The following TBATA variants were observed in gnomAD, a reference collection of about 807,000 sequenced individuals.
The protein encoded by TBATA is thymus, brain and testes associated, also known as protein TBATA.
Under a neutral mutation model 38.7 loss-of-function variants are expected in TBATA, and 47 were observed. That is an observed-to-expected ratio of 1.21 (90% confidence interval 0.96 to 1.55). The LOEUF (loss-of-function observed/expected upper bound fraction) is 1.55, where lower values mean the gene tolerates loss of function less well. Among genes scored for constraint, TBATA ranks in the 40% most tolerant of loss-of-function variants. The probability of loss-of-function intolerance (pLI) is 0.00; values close to 1 mark genes in which losing one functional copy is unlikely to be tolerated. For missense variants in TBATA, 436 were observed against 435.6 expected (o/e 1.00, Z -0.01); for synonymous variants, 183 against 170.5 (o/e 1.07, Z -0.57).
intron 4 of TBATA, among the ~76,000 whole-genome samples, chr10:70,780,450 G>A (rs573013744): frequency 7.9e-5 from 12 of 151,846 alleles, no homozygotes; most frequent in Non-Finnish European, 1.5e-4. Context: ...CTCCTCTGCC[G>A]ACTTCTCATC....
intron 6 of TBATA, chr10:70,777,612 TTCC>T: frequency 2.0e-6 from 1 of 503,654 alleles, no homozygotes; most frequent in Non-Finnish European, 3.6e-6. Flanking sequence ...GCAAAAGCTC[TTCC>T]TCCTGGAACT....
rs991739192 is a variant in TBATA at position 70,775,218 on chromosome 10, T to C, written c.746A>G (p.Gln249Arg). The part of the protein sequence containing the change: ...ILETDLLSAI[Q>R]FWLLYAPPKE... ...GGGCGGAGCGTAGAGCAGCCAGAAC[T>C]GGATTGCGCTTAGCAAGTCTGTTTC... is the stretch of plus-strand genomic sequence containing the variant. The change falls in exon 8 of 11, where the codon CAG becomes CGG. Residue 249 changes from glutamine to arginine, a missense_variant. Gln to Arg is a conservative substitution (Grantham distance 43). Coordinates refer to ENST00000456372, the MANE Select transcript of TBATA (RefSeq NM_001318241.2). 4 of 1,614,046 alleles carry C rather than the reference T, an allele frequency of 2.5e-6. No individual in the cohort carries two copies. The highest frequency in any genetic ancestry group is 1.3e-5 in the African/African-American group (1 of 74,944).
intron 10 of TBATA, chr10:70,772,131 C>A: frequency 2.2e-6 from 1 of 447,502 alleles, no homozygotes. Flanking sequence ...ATCTTTCCTG[C>A]CGTTCAGCTC....
rs962746097 is a variant in TBATA, at chr10:70,783,262, C to T, written c.41+77G>A. The T allele has an allele frequency of 1.6e-5, 25 of 1,554,914 alleles. No individual in the cohort carries two copies. In the African/African-American group the frequency reaches 1.6e-4, roughly 10 times the overall value. On this transcript the variant is annotated intron_variant, in intron 3 of 10. Transcript: ENST00000456372. ...TGGACTCCTAATCTGTTGAGATCCC[C>T]CAAGGCCACCTTTGTCTTCTACCCT... is the stretch of plus-strand genomic sequence containing the variant.
intron 9 of TBATA, 83 bp from the exon 10 acceptor site, chr10:70,772,649 G>T: frequency 7.0e-7 from 1 of 1,435,488 alleles, no homozygotes; most frequent in Non-Finnish European, 9.8e-7. Context: ...AGGGAGGTGG[G>T]GAAGGTGGTG....
intron 6 of TBATA, among the ~76,000 whole-genome samples, chr10:70,778,216 C>A (rs1443195702): frequency 3.3e-5 from 5 of 152,204 alleles, no homozygotes; most frequent in African/African-American, 1.2e-4. Context: ...CCTCACCTTT[C>A]CCATTGCTGC....
intron 8 of TBATA, 140 bp from the exon 9 acceptor site, chr10:70,774,497 C>T: frequency 1.3e-6 from 1 of 745,564 alleles, no homozygotes; most frequent in South Asian, 1.8e-5. Context: ...CTCGGGAGAG[C>T]TCCCCCTTCT....
intron 9 of TBATA, 64 bp from the exon 10 acceptor site, chr10:70,772,630 A>G: frequency 1.3e-6 from 2 of 1,550,182 alleles, no homozygotes; most frequent in South Asian, 1.1e-5. Context: ...CACGGGTGGC[A>G]GGGGAGACAG....
chr10:70,781,842 G>A lies in TBATA; in HGVS notation c.236C>T (p.Ser79Phe), dbSNP rs752310987. Reference protein sequence around the residue: ...FGRLSHHSFFSRHHPHPQHVT... With the variant: ...FGRLSHHSFFFRHHPHPQHVT... ...GTGCTGGGGGTGTGGGTGGTGCCGG[G>A]AGAAGAAGGAGTGGTGACTGAGGCG... Residue 79 changes from serine (S) to phenylalanine (F), a missense_variant, in exon 4 of 11, where the codon TCC becomes TTC. By Grantham distance (155) the Ser-to-Phe change is radical. Coordinates refer to ENST00000456372, the MANE Select transcript of TBATA (RefSeq NM_001318241.2). The A allele has an allele frequency of 4.3e-6, 7 of 1,614,028 alleles. No individual in the cohort carries two copies. The South Asian group carries it at 7.7e-5, about 18-fold the overall frequency.
chr10:70,782,486 C>T lies in TBATA; in HGVS notation c.42-450G>A, dbSNP rs112825320. 4.4e-3 allele frequency: 5,679 copies of T among 1,288,082 alleles called. 63 individuals carry two copies. Among genetic ancestry groups the T allele is most frequent in the African/African-American group, 0.036 (2,352 of 65,982 alleles). 79.8% of individuals were successfully genotyped at this position (1,288,082 alleles called of 1,614,324 possible). ...GAGGCCAGCTATAGGCTGTCATCCTCCCCCATGCACTCAGGAGTAGTCTTG... is the reference window on the plus strand; with the variant it reads ...GAGGCCAGCTATAGGCTGTCATCCTTCCCCATGCACTCAGGAGTAGTCTTG... On this transcript the variant is annotated intron_variant, in intron 3 of 10. Coordinates refer to ENST00000456372, the MANE Select transcript of TBATA (RefSeq NM_001318241.2).
At chr10:70,777,065 T>C (rs987505008) in intron 7 of TBATA, 88 bp downstream of exon 7, 8 of 1,399,932 alleles carry the variant, frequency 5.7e-6, no homozygotes, top group Non-Finnish European at 7.7e-6. Flanking sequence ...TAGGCACCAG[T>C]ATCCCTGGGA....
intron 6 of TBATA, among the ~76,000 whole-genome samples, chr10:70,777,547 C>T (rs1344567153): frequency 6.6e-6 from 1 of 152,154 alleles, no homozygotes; most frequent in African/African-American, 2.4e-5. Context: ...TTGGGCATCC[C>T]CGGCCCTCTC....
Position 70,772,498 on chromosome 10 carries a change from C to G in TBATA, c.973+16G>C. ...CTTGGTGAGTCCCCCAAATGACCCA[C>G]TACTTGGAATCTTACCTGGTTTTTC... On this transcript the variant is annotated intron_variant, in intron 10 of 10. Transcript: ENST00000456372. The G allele has an allele frequency of 6.2e-7, 1 of 1,613,978 alleles. No homozygotes were observed. The highest frequency in any genetic ancestry group is 8.5e-7 in the Non-Finnish European group (1 of 1,179,804).
rs370600152 is a variant in TBATA, at chr10:70,778,835, G to A, written c.428-199C>T. 505 of 664,866 alleles carry A rather than the reference G, an allele frequency of 7.6e-4. 4 individuals carry two copies. The African/African-American group carries it at 8.2e-3, about 11-fold the overall frequency. The allele number at this position is 664,866 out of a possible 1,614,324, so 41.2% of individuals were successfully genotyped here. A position where few individuals can be genotyped will look rare whatever the true frequency, so the allele number is the denominator to read the frequency against. On this transcript the variant is annotated intron_variant, in intron 5 of 10. Transcript: ENST00000456372. ...GGTGGTGGTTGTGGCAGTGGGTGGG[G>A]TGCGGGGGTGGGGCATTGCTTTCCT...
intron 3 of TBATA, among the ~76,000 whole-genome samples, 165 bp downstream of exon 3, chr10:70,783,174 C>G (rs1159596828): frequency 6.6e-6 from 1 of 152,178 alleles, no homozygotes; most frequent in Non-Finnish European, 1.5e-5. Context: ...CTAACTTGAG[C>G]CTGAGGACCC....
At chr10:70,774,611 C>T (rs76432693) in intron 8 of TBATA, among the ~76,000 whole-genome samples, 10,645 of 152,220 alleles carry the variant, frequency 0.07, 671 homozygotes, top group East Asian at 0.2. Flanking sequence ...CTCCTGCCCA[C>T]CATATCCCCG....
At chr10:70,776,096 A>T (rs949237790) in intron 7 of TBATA, among the ~76,000 whole-genome samples, 1 of 152,114 alleles carries the variant, frequency 6.6e-6, no homozygotes, top group Non-Finnish European at 1.5e-5. Context: ...TGGAGTCCTA[A>T]GAAAGTGAGG....
At chr10:70,784,199 A>G (rs1001344078) in intron 2 of TBATA, among the ~76,000 whole-genome samples, 1 of 152,232 alleles carries the variant, frequency 6.6e-6, no homozygotes, top group Non-Finnish European at 1.5e-5. Flanking sequence ...AGGAAATGCT[A>G]AGCACGAAAT....
chr10:70,779,909 C>T (rs377491579), intron 4 of TBATA, 167 bp from the exon 5 acceptor site: 45 of 677,160 alleles, frequency 6.6e-5, no homozygotes, highest in Admixed American at 2.1e-4. Flanking sequence ...CCTAGACCAG[C>T]GACCGCCTCA....
Sources: gnomAD v4.1 joint callset for allele counts (sites outside exome capture counted in the v4.1 genomes callset) on GRCh38, gnomAD v4.1.1 for gene constraint, MANE v1.5 for transcripts, NCBI Gene and HGNC (gene_info 2026-07-23, HGNC 2026-07-21) for gene names.